Variants in CRPPA observed in about 807,000 individuals in gnomAD.
CRPPA encodes the protein CDP-L-ribitol pyrophosphorylase A.
CRPPA carries 43 observed loss-of-function variants against 52.0 expected under a neutral mutation model. That is an observed-to-expected ratio of 0.83 (90% CI 0.65 to 1.07). CRPPA has a LOEUF of 1.07. CRPPA is among the 50% of genes least tolerant of loss of function. The probability of loss-of-function intolerance (pLI) is 0.00; values close to 1 mark genes in which losing one functional copy is unlikely to be tolerated. For missense variants in CRPPA, 629 were observed against 551.7 expected, an observed-to-expected ratio of 1.14 and a Z score of -1.40; for synonymous variants, 250 against 203.5, an observed-to-expected ratio of 1.23 and a Z score of -1.94.
chr7:16,102,986 C>T (rs193166951), intron 9 of CRPPA, among the ~76,000 whole-genome samples: 1 of 152,244 alleles, frequency 6.6e-6, no homozygotes, highest in East Asian at 1.9e-4. Context: ...AATCATTCTA[C>T]CATAAAGACA....
chr7:16,261,872 G>T (rs1039348261), intron 6 of CRPPA: 2 of 152,096 alleles, frequency 1.3e-5, no homozygotes, highest in African/African-American at 4.8e-5. Flanking sequence ...TACATTTGAG[G>T]TTTTTTTCTT....
chr7:16,301,312 A>T, intron 5 of CRPPA, 109 bp downstream of exon 5: 1 of 839,126 alleles, frequency 1.2e-6, no homozygotes, highest in Non-Finnish European at 2.0e-6. Context: ...ACCTTGGCCT[A>T]CAGGCTTTTC....
intron 9 of CRPPA, among the ~76,000 whole-genome samples, chr7:16,121,185 T>A (rs965529375): frequency 6.6e-6 from 1 of 152,070 alleles, no homozygotes; most frequent in Non-Finnish European, 1.5e-5. Context: ...CATAGCTACA[T>A]TAGAAATATA....
chr7:16,138,573 C>G (rs1354219407), intron 9 of CRPPA, among the ~76,000 whole-genome samples: 3 of 152,078 alleles, frequency 2.0e-5, no homozygotes, highest in Non-Finnish European at 2.9e-5. Context: ...TAACTGCAAT[C>G]CTATACAAGC....
At chr7:16,194,518 C>A (rs1562550131) in intron 9 of CRPPA, among the ~76,000 whole-genome samples, 1 of 152,098 alleles carries the variant, frequency 6.6e-6, no homozygotes, top group Non-Finnish European at 1.5e-5. Context: ...CACAAAGTTA[C>A]TAAACATGTA....
intron 8 of CRPPA, among the ~76,000 whole-genome samples, chr7:16,221,472 G>A (rs1782501602): frequency 6.6e-6 from 1 of 152,178 alleles, no homozygotes; most frequent in Non-Finnish European, 1.5e-5. Flanking sequence ...AAGAGCTTCT[G>A]CACAGCAAAA....
At chr7:16,210,876 C>T (rs1782116631) in intron 9 of CRPPA, among the ~76,000 whole-genome samples, 1 of 150,396 alleles carries the variant, frequency 6.6e-6, no homozygotes, top group Admixed American at 6.6e-5. Context: ...TGGGTGCAAA[C>T]ATACTGTCAG....
intron 4 of CRPPA, among the ~76,000 whole-genome samples, chr7:16,304,344 C>G (rs138694087): frequency 6.6e-6 from 1 of 152,204 alleles, no homozygotes; most frequent in East Asian, 1.9e-4. Flanking sequence ...CTGATATTAT[C>G]TCCAGACCCC....
At chr7:16,189,849 T>C (rs149493243) in intron 9 of CRPPA, among the ~76,000 whole-genome samples, 1 of 152,216 alleles carries the variant, frequency 6.6e-6, no homozygotes, top group African/African-American at 2.4e-5. Context: ...CCAAGGTAAA[T>C]AGCAGGTTTG....
intron 2 of CRPPA, among the ~76,000 whole-genome samples, chr7:16,380,039 G>A (rs1429193537): frequency 1.3e-5 from 2 of 151,062 alleles, no homozygotes; most frequent in African/African-American, 2.4e-5. Context: ...GAATAGGAGT[G>A]GTGAGAGAGG....
At chr7:16,188,570 T>G (rs1037586489) in intron 9 of CRPPA, among the ~76,000 whole-genome samples, 3 of 152,164 alleles carry the variant, frequency 2.0e-5, no homozygotes, top group African/African-American at 7.2e-5. Context: ...AGATTGGACA[T>G]ACAACAGAAA....
At chr7:16,228,869 C>T (rs1457084442) in intron 8 of CRPPA, among the ~76,000 whole-genome samples, 1 of 151,894 alleles carries the variant, frequency 6.6e-6, no homozygotes, top group Non-Finnish European at 1.5e-5. Flanking sequence ...TTCTGGTTAA[C>T]CTGCTCATTG....
At chr7:16,331,125 G>A (rs762849631) in intron 3 of CRPPA, among the ~76,000 whole-genome samples, 10 of 151,940 alleles carry the variant, frequency 6.6e-5, no homozygotes, top group Non-Finnish European at 1.0e-4. Flanking sequence ...TCAGCCTCCC[G>A]AGTAGGTGGG....
chr7:16,276,863 T>G (rs900458865), intron 6 of CRPPA: 1 of 152,158 alleles, frequency 6.6e-6, no homozygotes, highest in East Asian at 1.9e-4. Context: ...CTAATTCAAA[T>G]TAGATTCTTT....
At chr7:16,327,599 C>CA (rs71007762) in intron 3 of CRPPA, among the ~76,000 whole-genome samples, 14 of 70,088 alleles carry the variant, frequency 2.0e-4, no homozygotes, top group East Asian at 4.9e-4. Context: ...GACTCCGTCT[C>CA]AAAAAAAAAA....
At chr7:16,131,411 C>T (rs1276194047) in intron 9 of CRPPA, among the ~76,000 whole-genome samples, 1 of 152,088 alleles carries the variant, frequency 6.6e-6, no homozygotes, top group African/African-American at 2.4e-5. Flanking sequence ...AAATTAGAAA[C>T]ATGTTATTGG....
At chr7:16,303,498 A>AAAAAAAAAAAAAAAC (rs1784838894) in intron 4 of CRPPA, among the ~76,000 whole-genome samples, 1 of 149,516 alleles carries the variant, frequency 6.7e-6, no homozygotes, top group African/African-American at 2.5e-5. Flanking sequence ...AAAAAAAAAA[A>AAAAAAAAAAAAAAAC]AAAAACTTTC....
At chr7:16,360,281 T>A (rs765579279) in intron 3 of CRPPA, among the ~76,000 whole-genome samples, 5 of 152,164 alleles carry the variant, frequency 3.3e-5, no homozygotes, top group Non-Finnish European at 7.4e-5. Flanking sequence ...AGTCATCAAT[T>A]CTCATAGTAA....
intron 3 of CRPPA, among the ~76,000 whole-genome samples, chr7:16,363,991 T>C (rs1786523460): frequency 6.6e-6 from 1 of 152,106 alleles, no homozygotes; most frequent in Non-Finnish European, 1.5e-5. Context: ...TAATATAAAG[T>C]AAAAAATCCT....
Sources: allele counts gnomAD v4.1 joint callset (sites outside exome capture counted in the v4.1 genomes callset), GRCh38; gene constraint gnomAD v4.1.1; transcripts MANE v1.5; gene names NCBI Gene and HGNC (gene_info 2026-07-23, HGNC 2026-07-21).